Variants in U2AF2 observed in about 807,000 individuals in gnomAD.
U2AF2 encodes U2 small nuclear RNA auxiliary factor 2.
A neutral mutation model predicts 52.6 loss-of-function variants in U2AF2; 6 were observed. The observed-to-expected ratio is 0.11, with a 90% CI of 0.06 to 0.23. The LOEUF (loss-of-function observed/expected upper bound fraction) is 0.23. U2AF2 is among the 10% of genes least tolerant of loss of function. U2AF2 has a pLI of 1.00. For synonymous variants in U2AF2, 284 were observed against 258.2 expected (o/e 1.10, Z -0.96); for missense variants, 222 against 677.1 (o/e 0.33, Z 7.46).
At chr19:55,661,539 CACAG>C (rs1165240121) in intron 5 of U2AF2, among the ~76,000 whole-genome samples, 2 of 143,938 alleles carry the variant, frequency 1.4e-5, no homozygotes, top group East Asian at 4.1e-4. Context: ...CACACACACA[CACAG>C]ACGCACGCTG....
intron 5 of U2AF2, chr19:55,662,200 G>T: frequency 3.5e-6 from 1 of 287,364 alleles, no homozygotes. Flanking sequence ...GCCTTTTCTT[G>T]AACAATCTTC....
At chr19:55,659,772 G>A (rs1984042212) in intron 2 of U2AF2, among the ~76,000 whole-genome samples, 1 of 152,078 alleles carries the variant, frequency 6.6e-6, no homozygotes, top group Non-Finnish European at 1.5e-5. Flanking sequence ...GGAGAAGGGA[G>A]CTCTTGGGAC....
intron 11 of U2AF2, among the ~76,000 whole-genome samples, chr19:55,672,459 C>T (rs1984981095): frequency 6.6e-6 from 1 of 152,006 alleles, no homozygotes; most frequent in Non-Finnish European, 1.5e-5. Context: ...CTGTGGGGGC[C>T]TTTGCTGTGC....
chr19:55,660,918 G>T (rs2123677708), intron 4 of U2AF2, 120 bp from the exon 5 acceptor site: 1 of 1,461,906 alleles, frequency 6.8e-7, no homozygotes, highest in Non-Finnish European at 9.1e-7. Context: ...TCTGGAAGGT[G>T]CTAAGACCGA....
chr19:55,669,254 G>A lies in U2AF2; in HGVS notation c.1044+73G>A. On this transcript the variant is annotated intron_variant, in intron 10 of 11. Transcript: ENST00000308924. The stretch of plus-strand genomic sequence containing the variant: ...TGGCTAGTAGGGGACAAGTGTTCCT[G>A]ATCTTTCTCCCAGCTTTCATGGGAA... The A allele has an allele frequency of 3.2e-6, 5 of 1,577,258 alleles. No homozygotes were observed. In the South Asian group the frequency reaches 5.7e-5, roughly 18 times the overall value.
chr19:55,673,883 G>GACT (rs1985098767), intron 11 of U2AF2, 51 bp from the exon 12 acceptor site: 2 of 1,569,702 alleles, frequency 1.3e-6, no homozygotes, highest in African/African-American at 2.7e-5. Flanking sequence ...GACGCTGACT[G>GACT]GCTGTTGGGC....
At chr19:55,663,879 C>A (rs310443) in intron 7 of U2AF2, 135 bp downstream of exon 7, 1,318,035 of 1,349,706 alleles carry the variant, frequency 0.98, 643,617 homozygotes, top group East Asian at 1. Context: ...TTCCCTGCTT[C>A]CCCTAAGTCT....
In U2AF2 at chr19:55,662,624, C is replaced by T. The variant is rs1460982626; in HGVS notation, c.603+6C>T. On this transcript the variant is annotated splice_donor_region_variant and intron_variant, in intron 6 of 11. Transcript: ENST00000308924. ...AGAATTTTGCCTTTTTGGAGGTGAG[C>T]TGGGGGAGTGAGTGAGGTCCAGGAA... is the stretch of plus-strand genomic sequence containing the variant. 4 of 1,611,910 alleles carry T rather than the reference C, an allele frequency of 2.5e-6. No individual in the cohort carries two copies. The Admixed American group carries it at 5.0e-5, about 20-fold the overall frequency.
chr19:55,667,420 T>A (rs1304597415), intron 7 of U2AF2, among the ~76,000 whole-genome samples: 1 of 152,110 alleles, frequency 6.6e-6, no homozygotes, highest in African/African-American at 2.4e-5. Context: ...CTGGCATAGC[T>A]GATATCTGAC....
chr19:55,670,447 G>C (rs1984825580), intron 11 of U2AF2, among the ~76,000 whole-genome samples: 1 of 133,072 alleles, frequency 7.5e-6, no homozygotes, highest in Non-Finnish European at 1.6e-5. Context: ...GCACCCTGCT[G>C]TCCCGTGCAC....
intron 3 of U2AF2, 95 bp downstream of exon 3, chr19:55,660,316 C>T: frequency 7.0e-7 from 1 of 1,434,968 alleles, no homozygotes; most frequent in African/African-American, 1.4e-5. Context: ...CAGCCCTGGC[C>T]CAAGCACTGG....
intron 5 of U2AF2, among the ~76,000 whole-genome samples, chr19:55,661,575 C>T (rs1309618367): frequency 1.3e-5 from 2 of 151,072 alleles, no homozygotes; most frequent in Non-Finnish European, 3.0e-5. Flanking sequence ...TTTTCTGACA[C>T]GCCTCTCGTT....
chr19:55,666,166 G>A (rs188501603), intron 7 of U2AF2, among the ~76,000 whole-genome samples: 7 of 152,300 alleles, frequency 4.6e-5, no homozygotes, highest in Non-Finnish European at 1.0e-4. Flanking sequence ...AGTGGCTGCC[G>A]AGCTCCTCTC....
rs771482431 is a variant in U2AF2 at position 55,660,625 on chromosome 19, C to A, written c.334+6C>A. 7.4e-6 allele frequency: 12 copies of A among 1,612,166 alleles called. No homozygotes were observed. Among genetic ancestry groups the A allele is most frequent in the Middle Eastern group, 1.7e-4 (1 of 6,044 alleles). ...GCAGTACAAGGCCATGCAAGGTAGGCCCCTGGCCAGGCTGCTCCCAGAGCG... is the reference window on the plus strand; with the variant it reads ...GCAGTACAAGGCCATGCAAGGTAGGACCCTGGCCAGGCTGCTCCCAGAGCG... On this transcript the variant is annotated splice_donor_region_variant and intron_variant, in intron 4 of 11. Coordinates refer to ENST00000308924, the MANE Select transcript of U2AF2 (RefSeq NM_007279.3).
Position 55,662,700 on chromosome 19 carries a change from C to T in U2AF2, c.603+82C>T. 3.1e-6 allele frequency: 4 copies of T among 1,284,914 alleles called. No individual in the cohort carries two copies. In the Admixed American group the frequency reaches 7.3e-5, roughly 24 times the overall value. The allele number at this position is 1,284,914 out of a possible 1,614,324, so 79.6% of individuals were successfully genotyped here. ...CTTAGGCTGATGTTGTGTGGAGCTG[C>T]CTTGTGCTGTTTCCACCAGGCCCTC... On this transcript the variant is annotated intron_variant, in intron 6 of 11. Coordinates refer to ENST00000308924, the MANE Select transcript of U2AF2 (RefSeq NM_007279.3).
intron 6 of U2AF2, among the ~76,000 whole-genome samples, chr19:55,663,225 A>C (rs1313081212): frequency 6.6e-6 from 1 of 152,132 alleles, no homozygotes; most frequent in African/African-American, 2.4e-5. Flanking sequence ...ACTGCAGTCC[A>C]CTTGCAGTTG....
rs376581442 is a variant in U2AF2, at chr19:55,662,468, C to G, written c.487-34C>G. On this transcript the variant is annotated intron_variant, in intron 5 of 11. Coordinates refer to ENST00000308924, the MANE Select transcript of U2AF2 (RefSeq NM_007279.3). ...CCCTCCTCTCTCCACCTCCCTTCCCCCGCCCCCCCCCTTGTCTCCTATTCC... is the reference window on the plus strand; with the variant it reads ...CCCTCCTCTCTCCACCTCCCTTCCCGCGCCCCCCCCCTTGTCTCCTATTCC... The G allele has an allele frequency of 4.9e-5, 57 of 1,165,186 alleles. 4 individuals are homozygous for G. In the Middle Eastern group the frequency reaches 8.7e-3, roughly 177 times the overall value. The allele number at this position is 1,165,186 out of a possible 1,614,324, so 72.2% of individuals were successfully genotyped here.
At chr19:55,664,673 G>T (rs187303148) in intron 7 of U2AF2, among the ~76,000 whole-genome samples, 4 of 152,170 alleles carry the variant, frequency 2.6e-5, no homozygotes, top group Non-Finnish European at 4.4e-5. Context: ...TCTGTGTCAG[G>T]CAGGACTTGG....
chr19:55,673,768 T>C (rs2122136662), intron 11 of U2AF2, among the ~76,000 whole-genome samples, 166 bp from the exon 12 acceptor site: 1 of 152,336 alleles, frequency 6.6e-6, no homozygotes, highest in Middle Eastern at 3.4e-3. Flanking sequence ...TGGAGAATAT[T>C]TGGGTGAACT....
Sources: allele counts gnomAD v4.1 joint callset (sites outside exome capture counted in the v4.1 genomes callset), GRCh38; gene constraint gnomAD v4.1.1; transcripts MANE v1.5; gene names NCBI Gene and HGNC (gene_info 2026-07-23, HGNC 2026-07-21).